Variants in CYP19A1 observed in about 807,000 individuals in gnomAD.
The protein encoded by CYP19A1 is cytochrome P450 family 19 subfamily A member 1.
CYP19A1 carries 32 observed loss-of-function variants against 44.4 expected under a neutral mutation model. The ratio of observed to expected loss-of-function variants is 0.72; its 90% CI spans 0.54 to 0.97. The LOEUF is 0.97. CYP19A1 is among the 50% of genes least tolerant of loss of function. CYP19A1 has a pLI of 0.00. For synonymous variants in CYP19A1, 212 were observed against 215.6 expected (o/e 0.98, Z 0.14); for missense variants, 598 against 637.8 (o/e 0.94, Z 0.67).
intron 1 of CYP19A1, among the ~76,000 whole-genome samples, chr15:51,304,898 T>G (rs1245539605): frequency 2.9e-5 from 4 of 137,352 alleles, no homozygotes; most frequent in Non-Finnish European, 6.1e-5. Context: ...TCCTTTTTTT[T>G]TTTTTTTTTT....
intron 1 of CYP19A1, among the ~76,000 whole-genome samples, chr15:51,299,192 C>T (rs1447658015): frequency 1.3e-5 from 2 of 152,236 alleles, no homozygotes; most frequent in Non-Finnish European, 2.9e-5. Flanking sequence ...ACCAGAGCTT[C>T]CATCTGATCT....
intron 2 of CYP19A1, among the ~76,000 whole-genome samples, chr15:51,239,489 G>A (rs1398718551): frequency 2.0e-5 from 3 of 152,200 alleles, no homozygotes; most frequent in Non-Finnish European, 2.9e-5. Flanking sequence ...TGCATGCCAC[G>A]ATGTGGATGG....
chr15:51,262,401 C>G (rs758300252), intron 1 of CYP19A1, among the ~76,000 whole-genome samples: 1 of 152,066 alleles, frequency 6.6e-6, no homozygotes, highest in South Asian at 2.1e-4. Flanking sequence ...TCCTCTAGCG[C>G]ACTGGGTTAG....
rs148461638 is a variant in CYP19A1 at position 51,274,385 on chromosome 15, G to C, written c.-38-31435C>G. ...AGGAATTACCCATAGATATCCCTGA[G>C]TGGGGAGGGAATGGAAAAAGAAATG... On this transcript the variant is annotated intron_variant, in intron 1 of 9. Transcript: ENST00000396402. Among the ~76,000 whole-genome samples, 90 of 152,360 alleles carry C rather than the reference G, an allele frequency of 5.9e-4. 3 individuals carry two copies. In the Middle Eastern group the frequency reaches 0.01, roughly 17 times the overall value.
chr15:51,244,279 AT>A (rs2033949982), intron 1 of CYP19A1, among the ~76,000 whole-genome samples: 1 of 152,198 alleles, frequency 6.6e-6, no homozygotes, highest in South Asian at 2.1e-4. Context: ...CCAAAGACTG[AT>A]TTCTGTCAAC....
rs1378933383 is a variant in CYP19A1, at chr15:51,294,487, G to A, written c.-39+44008C>T. 4.6e-3 allele frequency among the ~76,000 whole-genome samples: 532 copies of A among 114,460 alleles called. 11 individuals carry two copies. The highest frequency in any genetic ancestry group is 0.018 in the African/African-American group (491 of 26,758). The allele number at this position is 114,460 out of a possible 152,430, so 75.1% of individuals were successfully genotyped here. A position where few individuals can be genotyped will look rare whatever the true frequency, so the allele number is the denominator to read the frequency against. On this transcript the variant is annotated intron_variant, in intron 1 of 9. Coordinates refer to ENST00000396402, the MANE Select transcript of CYP19A1 (RefSeq NM_000103.4). Reference sequence around the variant, plus strand: ...AGCCCCTCCGCCCGGCAGCTGCCCCGTCTGAGAAGTGAGGAGCCCCTCCGC... The same window carrying A: ...AGCCCCTCCGCCCGGCAGCTGCCCCATCTGAGAAGTGAGGAGCCCCTCCGC...
chr15:51,265,482 A>G (rs58007854), intron 1 of CYP19A1, among the ~76,000 whole-genome samples: 2 of 152,164 alleles, frequency 1.3e-5, no homozygotes, highest in East Asian at 3.9e-4. Flanking sequence ...CGGAGGGAGG[A>G]AGACAGGCTG....
chr15:51,313,157 T>C (rs1363058768), intron 1 of CYP19A1: 3 of 152,264 alleles, frequency 2.0e-5, no homozygotes, highest in Non-Finnish European at 4.4e-5. Context: ...AGTGTGATGA[T>C]TCTGAGTCAT....
rs138147793 is a variant in CYP19A1 at position 51,283,278 on chromosome 15, G to A, written c.-38-40328C>T. Among the ~76,000 whole-genome samples the A allele has an allele frequency of 4.6e-5, 7 of 152,292 alleles. No individual in the cohort carries two copies. The East Asian group carries it at 1.2e-3, about 25-fold the overall frequency. On this transcript the variant is annotated intron_variant, in intron 1 of 9. Coordinates refer to ENST00000396402, the MANE Select transcript of CYP19A1 (RefSeq NM_000103.4). Reference sequence around the variant, plus strand: ...CTCCACCTGCTGAATTAAGTGAATGGCCACCTCTTCTCTCTCCCATTAATG... The same window carrying A: ...CTCCACCTGCTGAATTAAGTGAATGACCACCTCTTCTCTCTCCCATTAATG...
At chr15:51,323,020 G>T (rs1595785205) in intron 1 of CYP19A1, among the ~76,000 whole-genome samples, 1 of 152,256 alleles carries the variant, frequency 6.6e-6, no homozygotes, top group South Asian at 2.1e-4. Flanking sequence ...TGCACCAAAT[G>T]AATGCTGGAG....
chr15:51,273,792 G>A (rs2035209366), intron 1 of CYP19A1, among the ~76,000 whole-genome samples: 1 of 152,120 alleles, frequency 6.6e-6, no homozygotes, highest in African/African-American at 2.4e-5. Flanking sequence ...GATCACCTGA[G>A]GTCAGGAATT....
intron 1 of CYP19A1, among the ~76,000 whole-genome samples, chr15:51,290,993 A>T (rs1418966746): frequency 1.3e-5 from 2 of 152,124 alleles, no homozygotes; most frequent in Non-Finnish European, 2.9e-5. Flanking sequence ...CAACCTCCAG[A>T]TTGGAGGCTT....
In CYP19A1 at chr15:51,210,755, G is replaced by T; in HGVS notation, c.*53C>A. 2 of 1,154,998 alleles carry T rather than the reference G, an allele frequency of 1.7e-6. No individual in the cohort carries two copies. The highest frequency in any genetic ancestry group is 1.2e-5 in the South Asian group (1 of 82,236). 71.5% of individuals were successfully genotyped at this position (1,154,998 alleles called of 1,614,324 possible). Reference sequence around the variant, plus strand: ...CACTATTGGCAAGGATGGATGATTTGTATGTGAACTACTGATGAGAAATGC... The same window carrying T: ...CACTATTGGCAAGGATGGATGATTTTTATGTGAACTACTGATGAGAAATGC... On this transcript the variant is annotated 3_prime_UTR_variant, in exon 10 of 10. Coordinates refer to ENST00000396402, the MANE Select transcript of CYP19A1 (RefSeq NM_000103.4).
chr15:51,249,042 C>T (rs543095694), intron 1 of CYP19A1, among the ~76,000 whole-genome samples: 13 of 151,708 alleles, frequency 8.6e-5, no homozygotes, highest in Non-Finnish European at 1.6e-4. Flanking sequence ...CAGGTTCAAA[C>T]GATTCTCCTG....
At chr15:51,225,343 G>T (rs769557797) in intron 4 of CYP19A1, among the ~76,000 whole-genome samples, 1 of 152,202 alleles carries the variant, frequency 6.6e-6, no homozygotes, top group Non-Finnish European at 1.5e-5. Flanking sequence ...CTAAATACTA[G>T]TTCACATATT....
intron 1 of CYP19A1, among the ~76,000 whole-genome samples, chr15:51,305,809 C>T (rs1436048953): frequency 6.6e-6 from 1 of 151,638 alleles, no homozygotes; most frequent in South Asian, 2.1e-4. Flanking sequence ...GATCCGCCCT[C>T]CTTGGTCTCC....
intron 1 of CYP19A1, among the ~76,000 whole-genome samples, chr15:51,266,513 C>G (rs1375258122): frequency 6.6e-6 from 1 of 152,248 alleles, no homozygotes; most frequent in Non-Finnish European, 1.5e-5. Flanking sequence ...TTCTGCCAGT[C>G]CTTCTTCAAA....
chr15:51,275,671 A>T (rs1239247486), intron 1 of CYP19A1, among the ~76,000 whole-genome samples: 2 of 152,214 alleles, frequency 1.3e-5, no homozygotes, highest in Non-Finnish European at 2.9e-5. Context: ...CTAACTCAAG[A>T]GTGACTGCTC....
At chr15:51,222,667 G>A (rs1404891454) in intron 4 of CYP19A1, 142 bp from the exon 5 acceptor site, 19 of 730,846 alleles carry the variant, frequency 2.6e-5, no homozygotes, top group Admixed American at 1.0e-4. Context: ...TAATATTTTC[G>A]TATGCTTTTC....
Sources: allele counts gnomAD v4.1 joint callset (sites outside exome capture counted in the v4.1 genomes callset), GRCh38; gene constraint gnomAD v4.1.1; transcripts MANE v1.5; gene names NCBI Gene and HGNC (gene_info 2026-07-23, HGNC 2026-07-21).